The following MICALL1 variants were observed in gnomAD, a reference collection of about 807,000 sequenced individuals.
MICALL1 encodes the protein MICAL like 1, also known as MICAL-like protein 1.
Under a neutral mutation model 83.7 loss-of-function variants are expected in MICALL1, and 61 were observed. The observed-to-expected ratio is 0.73, with a 90% CI of 0.59 to 0.90. The LOEUF is 0.90. Ranked by LOEUF, MICALL1 falls within the 40% of genes least tolerant of loss-of-function variation. The pLI is 0.00. For synonymous variants in MICALL1, 481 were observed against 473.6 expected, an observed-to-expected ratio of 1.02 and a Z score of -0.20; for missense variants, 1,066 against 1,152.0, an observed-to-expected ratio of 0.93 and a Z score of 1.08.
chr22:37,923,167 G>A (rs986994225), intron 6 of MICALL1, among the ~76,000 whole-genome samples: 1 of 151,848 alleles, frequency 6.6e-6, no homozygotes, highest in African/African-American at 2.4e-5. Context: ...CCGACCTCAG[G>A]TGATCTGCCC....
At chr22:37,910,075 T>G (rs1165168346) in intron 1 of MICALL1, among the ~76,000 whole-genome samples, 1 of 152,202 alleles carries the variant, frequency 6.6e-6, no homozygotes, top group Non-Finnish European at 1.5e-5. Context: ...TCTGTGTCCT[T>G]CATCTTCCCC....
In MICALL1 at chr22:37,922,160, C is replaced by A; in HGVS notation, c.758C>A (p.Pro253Gln). The part of the protein sequence containing the change: ...QQLAEDAKDV[P>Q]GGGPSSSAPA... ...CTCGCAGAAGATGCCAAGGATGTTC[C>A]AGGAGGCGGCCCCAGCTCCAGTGCT... The change falls in exon 6 of 16, where the codon CCA (proline) becomes CAA (glutamine). Residue 253 changes from proline (P) to glutamine (Q), a missense_variant. Coordinates refer to ENST00000215957, the MANE Select transcript of MICALL1 (RefSeq NM_033386.4). The A allele has an allele frequency of 6.2e-7, 1 of 1,613,130 alleles. No individual in the cohort carries two copies. The highest frequency in any genetic ancestry group is 8.5e-7 in the Non-Finnish European group (1 of 1,179,978).
intron 14 of MICALL1, 150 bp downstream of exon 14, chr22:37,937,344 G>T: frequency 1.5e-6 from 1 of 646,192 alleles, no homozygotes; most frequent in Non-Finnish European, 2.6e-6. Flanking sequence ...CGATCCCAGT[G>T]CACCGTTGCT....
intron 1 of MICALL1, among the ~76,000 whole-genome samples, chr22:37,910,456 G>A (rs1928246213): frequency 6.6e-6 from 1 of 152,112 alleles, no homozygotes; most frequent in East Asian, 1.9e-4. Context: ...CCCTGTTGCA[G>A]TGTCCTGAAC....
At chr22:37,915,011 A>G (rs1326626257) in intron 3 of MICALL1, among the ~76,000 whole-genome samples, 1 of 151,304 alleles carries the variant, frequency 6.6e-6, no homozygotes, top group Non-Finnish European at 1.5e-5. Flanking sequence ...TAATCCCAGC[A>G]CTTTGGGAGG....
Position 37,921,931 on chromosome 22 carries a change from A to G in MICALL1, c.570-41A>G, listed in dbSNP as rs7292821. The G allele has an allele frequency of 0.011, 16,664 of 1,509,062 alleles. 1,196 individuals are homozygous for G. The African/African-American group carries it at 0.18, about 16-fold the overall frequency. 93.5% of individuals were successfully genotyped at this position (1,509,062 alleles called of 1,614,324 possible). ...GGAGGGGTAGCCAGTGCCTGGGCCC[A>G]GCTGCCTGGCTAAGTGAACCCCTGT... On this transcript the variant is annotated intron_variant, in intron 5 of 15. Coordinates refer to ENST00000215957, the MANE Select transcript of MICALL1 (RefSeq NM_033386.4).
intron 1 of MICALL1, 144 bp from the exon 2 acceptor site, chr22:37,911,808 C>T (rs759880455): frequency 2.9e-5 from 23 of 780,760 alleles, no homozygotes; most frequent in African/African-American, 5.1e-5. Flanking sequence ...TAGTAATCCA[C>T]AGACTCCCCC....
chr22:37,917,791 C>T lies in MICALL1; in HGVS notation c.422C>T (p.Ala141Val). ...APTPVEPEDV[A>V]QGEELSSGSL... The stretch of plus-strand genomic sequence containing the variant: ...ACTCCAGTGGAACCAGAAGATGTGG[C>T]TCAGGTAGGCAGATACCTGGAGAGG... Residue 141 changes from alanine to valine, a missense_variant, in exon 4 of 16, where the codon GCT becomes GTT. Physicochemically the swap from Ala to Val is moderately conservative, Grantham distance 64. Coordinates refer to ENST00000215957, the MANE Select transcript of MICALL1 (RefSeq NM_033386.4). 1 of 1,613,684 alleles carries T rather than the reference C, an allele frequency of 6.2e-7. No homozygotes were observed.
At position 37,916,054 on chromosome 22, in the gene MICALL1, A is replaced by G. The variant is rs549565455; in HGVS notation, c.338-1653A>G. Among the ~76,000 whole-genome samples, 15 of 151,490 alleles carry G rather than the reference A, an allele frequency of 9.9e-5. No homozygotes were observed. The South Asian group carries it at 3.1e-3, about 32-fold the overall frequency. On this transcript the variant is annotated intron_variant, in intron 3 of 15. Transcript: ENST00000215957. ...CGGCCTTCCTTGTGGCCAAACCTGA[A>G]TCTCTCTCTACTGAGCTCATCTCTG...
At chr22:37,917,135 G>A (rs1222135475) in intron 3 of MICALL1, among the ~76,000 whole-genome samples, 1 of 152,136 alleles carries the variant, frequency 6.6e-6, no homozygotes, top group African/African-American at 2.4e-5. Flanking sequence ...GCCTCCCAAA[G>A]TGCTGGGATT....
intron 13 of MICALL1, 119 bp downstream of exon 13, chr22:37,933,231 A>G (rs2145942898): frequency 9.5e-7 from 1 of 1,048,994 alleles, no homozygotes; most frequent in African/African-American, 1.6e-5. Context: ...GGACAGGGCC[A>G]GAGGAGGAGG....
intron 6 of MICALL1, among the ~76,000 whole-genome samples, chr22:37,922,800 T>G (rs1340335831): frequency 1.7e-3 from 233 of 137,788 alleles, no homozygotes; most frequent in African/African-American, 5.8e-3. Flanking sequence ...TTTTTTGTTT[T>G]TTTTTTTTTT....
rs565694573 is a variant in MICALL1 at position 37,922,355 on chromosome 22, C to G, written c.953C>G (p.Thr318Arg). The change falls in exon 6 of 16, where the codon ACG (threonine) becomes AGG (arginine). Residue 318 changes from threonine to arginine, a missense_variant. Coordinates refer to ENST00000215957, the MANE Select transcript of MICALL1 (RefSeq NM_033386.4). Reference sequence around the variant, plus strand: ...GAGAGCACCACCCCAGCACCCCCCACGCCCCGGCCCCGCTCCAGTCTGCAG... The same window carrying G: ...GAGAGCACCACCCCAGCACCCCCCAGGCCCCGGCCCCGCTCCAGTCTGCAG... Reference protein sequence around the residue: ...ASESTTPAPPTPRPRSSLQQE... With the variant: ...ASESTTPAPPRPRPRSSLQQE... 7.9e-4 allele frequency: 1,212 copies of G among 1,530,292 alleles called. 8 individuals carry two copies. In the South Asian group the frequency reaches 8.2e-3, roughly 10 times the overall value. 94.8% of individuals were successfully genotyped at this position (1,530,292 alleles called of 1,614,324 possible). A position where few individuals can be genotyped will look rare whatever the true frequency, so the allele number is the denominator to read the frequency against.
chr22:37,927,146 C>T (rs1277875393), intron 8 of MICALL1: 1 of 439,154 alleles, frequency 2.3e-6, no homozygotes, highest in African/African-American at 2.0e-5. Flanking sequence ...CTGTGGGTGC[C>T]CTCATGGGGG....
chr22:37,922,781 GTTTTGTTTTTTTTTGTTTTTTT>G (rs1471665471), intron 6 of MICALL1, among the ~76,000 whole-genome samples: 154 of 82,814 alleles, frequency 1.9e-3, no homozygotes, highest in African/African-American at 6.4e-3. Flanking sequence ...AGCTAATTTT[GTTTTGTTTTTTTTTGTTTTTTT>G]TTTTTTTTTT....
At chr22:37,937,874 G>T in intron 15 of MICALL1, 82 bp downstream of exon 15, 2 of 1,560,972 alleles carry the variant, frequency 1.3e-6, no homozygotes, top group Non-Finnish European at 1.8e-6. Flanking sequence ...GTTGAAGGGA[G>T]GGTTGGAGTG....
intron 3 of MICALL1, among the ~76,000 whole-genome samples, chr22:37,917,094 A>G (rs1175377387): frequency 6.6e-6 from 1 of 151,094 alleles, no homozygotes; most frequent in Non-Finnish European, 1.5e-5. Flanking sequence ...CTGGTCTTGA[A>G]CTCCTGACCT....
In MICALL1 at chr22:37,927,741, G is replaced by A. The variant is rs745905166; in HGVS notation, c.1796G>A (p.Gly599Asp). 1.9e-6 allele frequency: 3 copies of A among 1,613,788 alleles called. No individual in the cohort carries two copies. Among genetic ancestry groups the A allele is most frequent in the Non-Finnish European group, 2.5e-6 (3 of 1,180,034 alleles). ...CCCCAGCCAGCCAAGCCCTGCAGTGGCGCCACCCCAACGCCTCTCTTGTTG... is the reference window on the plus strand; with the variant it reads ...CCCCAGCCAGCCAAGCCCTGCAGTGACGCCACCCCAACGCCTCTCTTGTTG... Reference protein sequence around the residue: ...SGPQPAKPCSGATPTPLLLVG... With the variant: ...SGPQPAKPCSDATPTPLLLVG... The change falls in exon 9 of 16, where the codon GGC becomes GAC. Residue 599 changes from glycine to aspartate, a missense_variant. Transcript: ENST00000215957.
chr22:37,914,922 A>G (rs894634253), intron 3 of MICALL1, among the ~76,000 whole-genome samples: 6 of 149,108 alleles, frequency 4.0e-5, no homozygotes, highest in African/African-American at 1.5e-4. Context: ...GATTACAGGC[A>G]TGAGCCACTA....
Sources: gnomAD v4.1 joint callset for allele counts (sites outside exome capture counted in the v4.1 genomes callset) on GRCh38, gnomAD v4.1.1 for gene constraint, MANE v1.5 for transcripts, NCBI Gene and HGNC (gene_info 2026-07-23, HGNC 2026-07-21) for gene names.